Variants in RRM2 observed in about 807,000 individuals in gnomAD.
RRM2 encodes the protein ribonucleoside-diphosphate reductase subunit M2.
In RRM2, 6 loss-of-function variants were observed where a neutral mutation model predicts 45.9. The observed-to-expected ratio is 0.13, with a 90% CI of 0.07 to 0.26. The LOEUF (loss-of-function observed/expected upper bound fraction) is 0.26, where lower values mean the gene tolerates loss of function less well. RRM2 is among the 10% of genes least tolerant of loss of function. RRM2 has a pLI of 1.00. For missense variants in RRM2, 343 were observed against 489.5 expected, an observed-to-expected ratio of 0.70 and a Z score of 2.82; for synonymous variants, 177 against 173.0, an observed-to-expected ratio of 1.02 and a Z score of -0.18.
chr2:10,200,325 A>T (rs1664521123), intron 3 of RRM2, among the ~76,000 whole-genome samples: 1 of 152,222 alleles, frequency 6.6e-6, no homozygotes, highest in African/African-American at 2.4e-5. Context: ...AGGCTCCAAG[A>T]TAACCTGGGG....
At chr2:10,199,800 A>ACAAAAAC (rs771864776) in intron 3 of RRM2, among the ~76,000 whole-genome samples, 4 of 97,884 alleles carry the variant, frequency 4.1e-5, no homozygotes, top group Non-Finnish European at 7.7e-5. Flanking sequence ...AAAAAAAAAA[A>ACAAAAAC]AAAAAAAAAC....
At position 10,171,178 on chromosome 2, in the gene RRM2, G is replaced by T; in HGVS notation, n.482+28803G>T. 6.6e-6 allele frequency among the ~76,000 whole-genome samples: 1 copy of T among 152,242 alleles called. No homozygotes were observed. Among genetic ancestry groups the T allele is most frequent in the Non-Finnish European group, 1.5e-5 (1 of 68,034 alleles). On this transcript the variant is annotated intron_variant and non_coding_transcript_variant, in intron 3 of 3. Transcript: ENST00000381786. This position sits in a 1 kb window ranked among gnomAD's most constrained non-coding sequence, Gnocchi z 4.1. ...CGATGGGGCAACGTGTGGTGTGGAG[G>T]CCATACCCCTCCTCTGCTGGCTGGC...
intron 3 of RRM2, 26 bp from the exon 4 acceptor site, chr2:10,123,710 C>T: frequency 1.3e-6 from 2 of 1,485,232 alleles, no homozygotes; most frequent in Non-Finnish European, 1.9e-6. Flanking sequence ...TCCTTTTATG[C>T]TAAAATTGTG....
At chr2:10,198,029 G>A (rs1664450298) in intron 3 of RRM2, among the ~76,000 whole-genome samples, 1 of 152,290 alleles carries the variant, frequency 6.6e-6, no homozygotes, top group East Asian at 1.9e-4. Context: ...CGTTGTAGGT[G>A]TAGAACTCAA....
intron 3 of RRM2, among the ~76,000 whole-genome samples, chr2:10,144,922 C>T (rs537262127): frequency 2.6e-5 from 4 of 152,144 alleles, no homozygotes; most frequent in Non-Finnish European, 5.9e-5. Flanking sequence ...TGGGGGTGAC[C>T]GTGTTATGCA....
At chr2:10,188,640 G>A (rs747960882) in intron 3 of RRM2, among the ~76,000 whole-genome samples, 1 of 152,036 alleles carries the variant, frequency 6.6e-6, no homozygotes, top group Non-Finnish European at 1.5e-5. Context: ...TCCTGAGGGG[G>A]TCATCATGAG....
intron 3 of RRM2, among the ~76,000 whole-genome samples, chr2:10,179,681 A>T (rs973608285): frequency 6.6e-6 from 1 of 152,154 alleles, no homozygotes; most frequent in Admixed American, 6.6e-5. Flanking sequence ...TGGGAGCTGC[A>T]TCTCTCTGCC....
intron 3 of RRM2, among the ~76,000 whole-genome samples, chr2:10,203,071 A>G (rs1166111712): frequency 6.6e-6 from 1 of 152,242 alleles, no homozygotes; most frequent in Non-Finnish European, 1.5e-5. Context: ...CTCGGCAATG[A>G]CAGGTGTTCC....
At chr2:10,190,520 G>A (rs924766013) in intron 3 of RRM2, among the ~76,000 whole-genome samples, 4 of 150,002 alleles carry the variant, frequency 2.7e-5, no homozygotes, top group South Asian at 2.1e-4. Context: ...TAATAATGAC[G>A]GTGGTAATGA....
Position 10,128,907 on chromosome 2 carries a change from GGA to G in RRM2, c.864_865del (p.Arg288SerfsTer18). On this transcript the variant is annotated frameshift_variant, in exon 8 of 10. Transcript: ENST00000304567. LOFTEE classifies it high-confidence loss of function. Reference protein sequence around the residue: ...FKHLVHKPSEERVREIIINAV... With the variant: ...FKHLVHKPSEXRVREIIINAV... ...AACACCTGGTACACAAACCATCGGAGGAGAGAGTAAGAGAAATAATTATCAAT... is the reference window on the plus strand; with the variant it reads ...AACACCTGGTACACAAACCATCGGAGGAGAGTAAGAGAAATAATTATCAAT... 6.2e-7 allele frequency: 1 copy of G among 1,614,148 alleles called. No homozygotes were observed. Among genetic ancestry groups the G allele is most frequent in the Non-Finnish European group, 8.5e-7 (1 of 1,180,002 alleles).
intron 3 of RRM2, among the ~76,000 whole-genome samples, chr2:10,187,130 G>C (rs1329935473): frequency 6.6e-6 from 1 of 152,214 alleles, no homozygotes; most frequent in Non-Finnish European, 1.5e-5. Flanking sequence ...TGGTCACTGA[G>C]GGCTCTCAGA....
chr2:10,181,430 T>C (rs1664044987), intron 3 of RRM2, among the ~76,000 whole-genome samples: 1 of 152,250 alleles, frequency 6.6e-6, no homozygotes, highest in Non-Finnish European at 1.5e-5. Context: ...CTTAGTTCAT[T>C]ACATGTGTAT....
At chr2:10,157,178 G>A (rs11885066) in intron 3 of RRM2, among the ~76,000 whole-genome samples, 21,357 of 151,854 alleles carry the variant, frequency 0.14, 1,650 homozygotes, top group Middle Eastern at 0.19. Flanking sequence ...ACAGGCGCCC[G>A]CCACCGCGCC....
intron 3 of RRM2, among the ~76,000 whole-genome samples, chr2:10,186,790 G>A (rs1664177251): frequency 6.6e-6 from 1 of 152,240 alleles, no homozygotes; most frequent in Non-Finnish European, 1.5e-5. Context: ...GCAGGGTGGG[G>A]CCAAGGGATT....
intron 3 of RRM2, chr2:10,199,291 G>GT (rs1015996364): frequency 3.7e-5 from 5 of 136,464 alleles, no homozygotes; most frequent in Non-Finnish European, 6.3e-5. Context: ...AAAAAAAAGG[G>GT]GGGGGGGAAG....
chr2:10,146,776 C>T (rs1160263882), intron 3 of RRM2, among the ~76,000 whole-genome samples: 1 of 152,226 alleles, frequency 6.6e-6, no homozygotes, highest in Non-Finnish European at 1.5e-5. Context: ...CAGCGACCCC[C>T]AGCCTTGCCC....
intron 3 of RRM2, among the ~76,000 whole-genome samples, chr2:10,173,006 C>G (rs1297393435): frequency 6.6e-6 from 1 of 152,206 alleles, no homozygotes; most frequent in Non-Finnish European, 1.5e-5. Flanking sequence ...CGCCTCCATT[C>G]AACTTTCTCC....
At chr2:10,134,409 G>A (rs755454569), downstream of RRM2, among the ~76,000 whole-genome samples, 5 of 152,132 alleles carry the variant, frequency 3.3e-5, no homozygotes, top group African/African-American at 7.2e-5. Context: ...CATAAAGCTA[G>A]GGGCCCCAGT....
rs1166349941 is a variant in RRM2, at chr2:10,204,777, A to G, written n.483-5534A>G. On this transcript the variant is annotated intron_variant and non_coding_transcript_variant, in intron 3 of 3. Coordinates refer to the RRM2 transcript ENST00000381786. This position sits in a 1 kb window ranked among gnomAD's most constrained non-coding sequence, Gnocchi z 4.0. ...AGTCTGTGGCTGGGAGCCAAGCCTC[A>G]GGGTCCCTTTTCCTCTTCCAAGATG... Among the ~76,000 whole-genome samples the G allele has an allele frequency of 6.6e-6, 1 of 152,216 alleles. No homozygotes were observed. Among genetic ancestry groups the G allele is most frequent in the Non-Finnish European group, 1.5e-5 (1 of 68,040 alleles).
Sources: allele counts gnomAD v4.1 joint callset (sites outside exome capture counted in the v4.1 genomes callset), GRCh38; gene constraint gnomAD v4.1.1; non-coding constraint Gnocchi (gnomAD v3.1); transcripts MANE v1.5; gene names NCBI Gene and HGNC (gene_info 2026-07-23, HGNC 2026-07-21).